The following DACH2 variants were observed in gnomAD, a reference collection of about 807,000 sequenced individuals.
DACH2 encodes dachshund homolog 2.
Under a neutral mutation model 35.8 loss-of-function variants are expected in DACH2, and 17 were observed. That is an observed-to-expected ratio of 0.48 (90% CI 0.33 to 0.71). The LOEUF is 0.71. Ranked by LOEUF, DACH2 falls within the 30% of genes least tolerant of loss-of-function variation. DACH2 has a pLI of 0.02. For synonymous variants in DACH2, 195 were observed against 177.3 expected (o/e 1.10, Z -0.79); for missense variants, 469 against 472.7 (o/e 0.99, Z 0.07).
chrX:86,276,139 A>T (rs1176576866), intron 1 of DACH2, among the ~76,000 whole-genome samples: 1 of 112,000 alleles, frequency 8.9e-6, no homozygotes, highest in Non-Finnish European at 1.9e-5. Context: ...ACTAATTTAC[A>T]TTCCCACCAA....
intron 6 of DACH2, among the ~76,000 whole-genome samples, chrX:86,718,437 C>G (rs775328783): frequency 4.6e-4 from 51 of 111,432 alleles, no homozygotes; most frequent in Non-Finnish European, 8.7e-4. Context: ...GTTGCCTGTT[C>G]AATCTTGATT....
intron 1 of DACH2, among the ~76,000 whole-genome samples, chrX:86,291,540 A>G (rs1216483786): frequency 9.3e-6 from 1 of 107,881 alleles, no homozygotes; most frequent in Non-Finnish European, 1.9e-5. Flanking sequence ...TTGCCCATTC[A>G]GTATGATATT....
intron 3 of DACH2, among the ~76,000 whole-genome samples, chrX:86,570,288 G>A (rs968991738): frequency 4.5e-5 from 5 of 111,448 alleles, no homozygotes; most frequent in African/African-American, 1.6e-4. Context: ...ACATGCACGT[G>A]TATGTTCATT....
intron 3 of DACH2, among the ~76,000 whole-genome samples, chrX:86,524,881 T>C (rs1285871734): frequency 9.0e-6 from 1 of 111,118 alleles, no homozygotes; most frequent in East Asian, 2.8e-4. Context: ...TGATGACATA[T>C]GATAATAATC....
rs745591228 is a variant in DACH2 at position 86,269,443 on chromosome X, G to A, written c.489-107381G>A. On this transcript the variant is annotated intron_variant, in intron 1 of 11. Transcript: ENST00000373125. ...TTACTCTATAAATGTTGCTGAAAGC[G>A]CTTTGGCCTACTAACATATTTGGCT... Among the ~76,000 whole-genome samples the A allele has an allele frequency of 6.3e-5, 7 of 111,861 alleles. No individual in the cohort carries two copies. The South Asian group carries it at 1.5e-3, about 24-fold the overall frequency.
chrX:86,205,462 CTCCCTCCT>C lies in DACH2; in HGVS notation c.488+56382_488+56389del, dbSNP rs752447824. Among the ~76,000 whole-genome samples the C allele has an allele frequency of 7.9e-3, 371 of 46,732 alleles. 2 individuals carry two copies. The highest frequency in any genetic ancestry group is 0.019 in the East Asian group (26 of 1,386). The allele number at this position is 46,732 out of a possible 115,157, so 40.6% of individuals were successfully genotyped here. A position where few individuals can be genotyped will look rare whatever the true frequency, so the allele number is the denominator to read the frequency against. ...CCTCCCTCCCTCCCTCCCTCCCTCC[CTCCCTCCT>C]TCCCTCCTTCCCTCCTTCCCTCCTT... On this transcript the variant is annotated intron_variant, in intron 1 of 11. Transcript: ENST00000373125.
chrX:86,704,519 A>C (rs2041186695), intron 5 of DACH2, among the ~76,000 whole-genome samples: 1 of 111,917 alleles, frequency 8.9e-6, no homozygotes, highest in Non-Finnish European at 1.9e-5. Context: ...CAACTCACAG[A>C]ATGGCAGAAA....
At chrX:86,523,986 A>T (rs957854636) in intron 3 of DACH2, among the ~76,000 whole-genome samples, 3 of 112,009 alleles carry the variant, frequency 2.7e-5, no homozygotes, top group Non-Finnish European at 5.6e-5. Context: ...CAGGGAGTGG[A>T]CTAGTTTGAA....
chrX:86,807,308 TG>T (rs1233044542), intron 7 of DACH2, among the ~76,000 whole-genome samples: 1 of 112,307 alleles, frequency 8.9e-6, no homozygotes, highest in Admixed American at 9.5e-5. Context: ...GCATTTACTT[TG>T]GATCAGAAAT....
chrX:86,793,207 G>GATT (rs1296288018), intron 7 of DACH2, among the ~76,000 whole-genome samples: 2 of 109,860 alleles, frequency 1.8e-5, no homozygotes, highest in Non-Finnish European at 3.8e-5. Context: ...TTTATAATGG[G>GATT]ATTATTAGGT....
intron 3 of DACH2, among the ~76,000 whole-genome samples, chrX:86,562,875 T>C (rs1317830532): frequency 8.9e-6 from 1 of 111,763 alleles, no homozygotes; most frequent in Non-Finnish European, 1.9e-5. Context: ...AATTTCCTTA[T>C]TCAAAATCCA....
intron 3 of DACH2, among the ~76,000 whole-genome samples, chrX:86,637,010 C>CA (rs376375907): frequency 0.025 from 741 of 29,454 alleles, 2 homozygotes; most frequent in African/African-American, 0.03. Flanking sequence ...AACAAATTTA[C>CA]AAAAAAAAAA....
intron 3 of DACH2, among the ~76,000 whole-genome samples, chrX:86,575,437 G>T (rs941298285): frequency 9.0e-6 from 1 of 111,003 alleles, no homozygotes; most frequent in Non-Finnish European, 1.9e-5. Context: ...CATTGTATAT[G>T]CCATTTAAAA....
intron 1 of DACH2, among the ~76,000 whole-genome samples, chrX:86,150,204 T>C (rs1179558926): frequency 1.8e-5 from 2 of 112,399 alleles, no homozygotes; most frequent in East Asian, 5.6e-4. Flanking sequence ...TGGTAACATC[T>C]CAGGAAAGCA....
chrX:86,470,426 T>G, intron 2 of DACH2, among the ~76,000 whole-genome samples: 1 of 112,033 alleles, frequency 8.9e-6, no homozygotes, highest in Non-Finnish European at 1.9e-5. Flanking sequence ...TCATGTCACA[T>G]AATAATATCA....
chrX:86,397,311 A>G (rs1266404755), intron 2 of DACH2, among the ~76,000 whole-genome samples: 2 of 111,628 alleles, frequency 1.8e-5, no homozygotes, highest in East Asian at 2.8e-4. Flanking sequence ...GGGGTTTTCT[A>G]GATATACAAT....
rs189327919 is a variant in DACH2 at position 86,598,801 on chromosome X, T to G, written c.641-52235T>G. Among the ~76,000 whole-genome samples the G allele has an allele frequency of 5.8e-3, 640 of 110,162 alleles. 7 individuals are homozygous for G. The highest frequency in any genetic ancestry group is 0.02 in the African/African-American group (617 of 30,314). ...GAGAGCTTCTTAGTTTTCTTTTCTT[T>G]TTTTTTTTTGTGTTTATTATAATTT... On this transcript the variant is annotated intron_variant, in intron 3 of 11. Coordinates refer to ENST00000373125, the MANE Select transcript of DACH2 (RefSeq NM_053281.3).
chrX:86,742,718 ATAAT>A (rs960016744), intron 7 of DACH2: 2 of 295,089 alleles, frequency 6.8e-6, no homozygotes, highest in African/African-American at 5.5e-5. Flanking sequence ...TTCCAAAAAG[ATAAT>A]TAAGGTAAAA....
intron 2 of DACH2, 76 bp from the exon 3 acceptor site, chrX:86,514,203 T>C: frequency 1.1e-6 from 1 of 915,344 alleles, no homozygotes. Flanking sequence ...ATTTAAAAGG[T>C]AAATATTGCA....
Sources: allele counts gnomAD v4.1 joint callset (sites outside exome capture counted in the v4.1 genomes callset), GRCh38; gene constraint gnomAD v4.1.1; transcripts MANE v1.5; gene names NCBI Gene and HGNC (gene_info 2026-07-23, HGNC 2026-07-21).